ATG4C: variants seen among roughly 807,000 people sequenced by gnomAD.
The protein encoded by ATG4C is autophagy related 4C cysteine peptidase, also known as cysteine protease ATG4C.
In ATG4C, 56 loss-of-function variants were observed where a neutral mutation model predicts 57.6. The observed-to-expected ratio is 0.97, with a 90% CI of 0.78 to 1.21. The LOEUF is 1.21. ATG4C is among the 50% of genes most tolerant of loss of function. The pLI, the probability that ATG4C is intolerant of heterozygous loss-of-function variation, is 0.00. For synonymous variants in ATG4C, 157 were observed against 174.1 expected (o/e 0.90, Z 0.78); for missense variants, 595 against 529.8 (o/e 1.12, Z -1.21).
intron 7 of ATG4C, among the ~76,000 whole-genome samples, chr1:62,832,572 C>A (rs1483563502): frequency 6.6e-6 from 1 of 152,108 alleles, no homozygotes; most frequent in Non-Finnish European, 1.5e-5. Context: ...ACAATTTTAT[C>A]TTTATTTTTA....
chr1:62,798,329 T>C (rs1052924998), intron 1 of ATG4C, among the ~76,000 whole-genome samples: 2 of 152,206 alleles, frequency 1.3e-5, no homozygotes, highest in African/African-American at 4.8e-5. Context: ...CTTTTCTCAC[T>C]TGTGTAGTTA....
intron 1 of ATG4C, among the ~76,000 whole-genome samples, chr1:62,799,418 A>C (rs1358139440): frequency 6.6e-6 from 1 of 152,180 alleles, no homozygotes; most frequent in African/African-American, 2.4e-5. Flanking sequence ...TTTTCATAGA[A>C]TAGTTAAGGA....
intron 6 of ATG4C, among the ~76,000 whole-genome samples, chr1:62,825,531 G>C (rs1665623373): frequency 6.6e-6 from 1 of 151,830 alleles, no homozygotes; most frequent in Non-Finnish European, 1.5e-5. Flanking sequence ...TTAGTGCTCA[G>C]CCTTTAGACT....
chr1:62,842,301 A>ATTTTT (rs71045857), intron 10 of ATG4C, among the ~76,000 whole-genome samples: 2 of 139,540 alleles, frequency 1.4e-5, no homozygotes, highest in Admixed American at 7.3e-5. Context: ...ATTTTTGGGA[A>ATTTTT]TTTTTTTTTT....
intron 10 of ATG4C, among the ~76,000 whole-genome samples, chr1:62,862,980 A>G (rs1250128653): frequency 6.6e-6 from 1 of 152,052 alleles, no homozygotes; most frequent in Non-Finnish European, 1.5e-5. Flanking sequence ...ATTGCATAGT[A>G]ACTTTTCGGA....
intron 9 of ATG4C, among the ~76,000 whole-genome samples, chr1:62,840,011 A>G (rs556235404): frequency 6.6e-6 from 1 of 152,302 alleles, no homozygotes; most frequent in East Asian, 1.9e-4. Context: ...GAGTGATTTT[A>G]ATTGATTTCA....
intron 4 of ATG4C, 82 bp from the exon 5 acceptor site, chr1:62,818,923 T>C (rs1665378466): frequency 8.6e-7 from 1 of 1,160,728 alleles, no homozygotes; most frequent in Admixed American, 2.6e-5. Context: ...CAAATGACCT[T>C]AAATGCTACG....
At chr1:62,796,517 G>A (rs1018613038) in intron 1 of ATG4C, among the ~76,000 whole-genome samples, 2 of 151,720 alleles carry the variant, frequency 1.3e-5, no homozygotes, top group Non-Finnish European at 2.9e-5. Context: ...ACAAGAATAA[G>A]GTTCTTTATC....
chr1:62,814,226 A>G (rs1665186847), intron 3 of ATG4C, among the ~76,000 whole-genome samples: 1 of 152,236 alleles, frequency 6.6e-6, no homozygotes, highest in Non-Finnish European at 1.5e-5. Flanking sequence ...CTGGATAAAG[A>G]AAATGTGGCA....
rs551169317 is a variant in ATG4C at position 62,796,412 on chromosome 1, G to A, written c.-68-7307G>A. 1.3e-4 allele frequency among the ~76,000 whole-genome samples: 20 copies of A among 152,072 alleles called. 1 individual carries two copies. In the South Asian group the frequency reaches 3.9e-3, roughly 30 times the overall value. ...GAATTAACAAGGAATAATCCTCCAA[G>A]TTACTTTATTTAGCTAGAGTTGCCA... On this transcript the variant is annotated intron_variant, in intron 1 of 10. Transcript: ENST00000317868.
chr1:62,819,649 C>T (rs1001852523), intron 5 of ATG4C, among the ~76,000 whole-genome samples: 7 of 152,044 alleles, frequency 4.6e-5, no homozygotes, highest in East Asian at 3.9e-4. Context: ...AACCTTGGAA[C>T]GTGCATAACA....
At chr1:62,834,506 A>G (rs563697183) in intron 8 of ATG4C, among the ~76,000 whole-genome samples, 2 of 152,090 alleles carry the variant, frequency 1.3e-5, no homozygotes, top group Non-Finnish European at 2.9e-5. Context: ...TGCAAACTGT[A>G]GAATATAATT....
chr1:62,848,454 A>G lies in ATG4C; in HGVS notation c.1209+6907A>G, dbSNP rs546734962. On this transcript the variant is annotated intron_variant, in intron 10 of 10. Transcript: ENST00000317868. The stretch of plus-strand genomic sequence containing the variant: ...TGGTTGTCTCTGAAGAACTTTCTTT[A>G]TTATTTCTTTTAATGCTGTTACCTG... Among the ~76,000 whole-genome samples, 18 of 152,100 alleles carry G rather than the reference A, an allele frequency of 1.2e-4. No individual in the cohort carries two copies. The East Asian group carries it at 2.9e-3, about 24-fold the overall frequency.
intron 1 of ATG4C, among the ~76,000 whole-genome samples, chr1:62,789,092 G>A (rs555516082): frequency 2.9e-4 from 44 of 152,186 alleles, no homozygotes; most frequent in Non-Finnish European, 5.1e-4. Context: ...TGCAGGTTTT[G>A]TTTTCCTATC....
At position 62,832,614 on chromosome 1, in the gene ATG4C, G is replaced by T. The variant is rs376408887; in HGVS notation, c.934-1424G>T. 1.6e-3 allele frequency among the ~76,000 whole-genome samples: 249 copies of T among 152,206 alleles called. 4 individuals carry two copies. The South Asian group carries it at 0.05, about 31-fold the overall frequency. On this transcript the variant is annotated intron_variant, in intron 7 of 10. Transcript: ENST00000317868. ...TCTAAGATTTTAACCTGATATTCAT[G>T]CAAGCTCTGCCCTCATGACCTAAAC...
chr1:62,816,885 T>G lies in ATG4C; in HGVS notation c.394+77T>G, dbSNP rs532790544. 7.2e-6 allele frequency: 8 copies of G among 1,110,116 alleles called. No individual in the cohort carries two copies. The South Asian group carries it at 1.4e-4, about 20-fold the overall frequency. The allele number at this position is 1,110,116 out of a possible 1,614,324, so 68.8% of individuals were successfully genotyped here. On this transcript the variant is annotated intron_variant, in intron 4 of 10. Transcript: ENST00000317868. ...ATATTTTTCCATTTGAATTCCAGCTTACAAACTGCATGAAATTCCCTGAGG... is the reference window on the plus strand; with the variant it reads ...ATATTTTTCCATTTGAATTCCAGCTGACAAACTGCATGAAATTCCCTGAGG...
At chr1:62,836,366 G>A (rs765239958) in intron 9 of ATG4C, among the ~76,000 whole-genome samples, 9 of 152,012 alleles carry the variant, frequency 5.9e-5, no homozygotes, top group Admixed American at 1.3e-4. Context: ...CTTATAGAAT[G>A]GGTTTATAGA....
chr1:62,844,014 T>G (rs1666250586), intron 10 of ATG4C, among the ~76,000 whole-genome samples: 1 of 152,156 alleles, frequency 6.6e-6, no homozygotes, highest in African/African-American at 2.4e-5. Flanking sequence ...TTCTACTGGC[T>G]TAGGGAAAGA....
chr1:62,831,395 G>T (rs1665833684), intron 7 of ATG4C, among the ~76,000 whole-genome samples: 3 of 152,032 alleles, frequency 2.0e-5, no homozygotes, highest in Non-Finnish European at 4.4e-5. Context: ...AATGTGCGTT[G>T]GTGAGTCTAA....
Sources: allele counts gnomAD v4.1 joint callset (sites outside exome capture counted in the v4.1 genomes callset), GRCh38; gene constraint gnomAD v4.1.1; transcripts MANE v1.5; gene names NCBI Gene and HGNC (gene_info 2026-07-23, HGNC 2026-07-21).